Variants in ZNF730 observed in about 807,000 individuals in gnomAD.
The protein encoded by ZNF730 is zinc finger protein 730, also known as putative zinc finger protein 730.
In ZNF730, 12 loss-of-function variants were observed where a neutral mutation model predicts 12.6. The observed-to-expected ratio is 0.95, with a 90% confidence interval of 0.61 to 1.54. ZNF730 has a LOEUF of 1.54. Ranked by LOEUF, ZNF730 falls within the 40% of genes most tolerant of loss-of-function variation. ZNF730 has a pLI of 0.00. For missense variants in ZNF730, 643 were observed against 583.5 expected, an observed-to-expected ratio of 1.10 and a Z score of -1.05; for synonymous variants, 194 against 195.8, an observed-to-expected ratio of 0.99 and a Z score of 0.08.
upstream of ZNF730, chr19:23,116,861 C>G (rs952076242): frequency 6.1e-6 from 2 of 326,950 alleles, no homozygotes; most frequent in Non-Finnish European, 1.1e-5. Flanking sequence ...AAGGCTGCAG[C>G]CTACGCTGTC....
intron 1 of ZNF730, among the ~76,000 whole-genome samples, chr19:23,077,044 A>G (rs1369817043): frequency 6.6e-6 from 1 of 152,164 alleles, no homozygotes; most frequent in Non-Finnish European, 1.5e-5. Context: ...AGGAATGTGG[A>G]TGGAGCTGTA....
At chr19:23,102,168 G>A (rs1365759901) in intron 1 of ZNF730, among the ~76,000 whole-genome samples, 3 of 152,098 alleles carry the variant, frequency 2.0e-5, no homozygotes, top group African/African-American at 7.2e-5. Context: ...CTTATCACTA[G>A]GCCCAGGTAC....
chr19:23,109,592 G>C (rs1970437798), intron 1 of ZNF730, among the ~76,000 whole-genome samples: 1 of 151,888 alleles, frequency 6.6e-6, no homozygotes, highest in Admixed American at 6.6e-5. Context: ...AGTAGAGATG[G>C]GGTTTCACCA....
upstream of ZNF730, chr19:23,116,938 C>T: frequency 9.7e-6 from 1 of 102,964 alleles, no homozygotes. Context: ...GGGCCTTAAA[C>T]GTTATCCAAT....
At chr19:23,131,982 G>A (rs1441001433) in intron 1 of ZNF730, among the ~76,000 whole-genome samples, 1 of 150,306 alleles carries the variant, frequency 6.7e-6, no homozygotes, top group African/African-American at 2.5e-5. Context: ...GTTCTGTTTG[G>A]GTTGCATAGG....
intron 3 of ZNF730, among the ~76,000 whole-genome samples, chr19:23,142,389 A>C (rs1206633373): frequency 6.6e-6 from 1 of 152,094 alleles, no homozygotes; most frequent in African/African-American, 2.4e-5. Flanking sequence ...TATTTATTGA[A>C]AGTATGTCTC....
intron 2 of ZNF730, among the ~76,000 whole-genome samples, chr19:23,135,322 C>A (rs1383746525): frequency 7.0e-6 from 1 of 143,430 alleles, no homozygotes; most frequent in Admixed American, 7.1e-5. Flanking sequence ...CTGAACTTTC[C>A]ACTTTCCTGA....
At chr19:23,112,894 A>G (rs1224259219), upstream of ZNF730, among the ~76,000 whole-genome samples, 5 of 152,238 alleles carry the variant, frequency 3.3e-5, no homozygotes, top group East Asian at 7.7e-4. Flanking sequence ...CCAGGGTGCC[A>G]TTACTTTTCT....
chr19:23,129,423 CCAATGCGGGA>C (rs1970714711), intron 1 of ZNF730, among the ~76,000 whole-genome samples: 1 of 152,068 alleles, frequency 6.6e-6, no homozygotes, highest in Non-Finnish European at 1.5e-5. Context: ...TCAGCATGAC[CCAATGCGGGA>C]CATGGAGTCA....
chr19:23,106,813 T>C (rs1433736398), intron 1 of ZNF730, among the ~76,000 whole-genome samples: 1 of 149,834 alleles, frequency 6.7e-6, no homozygotes, highest in Non-Finnish European at 1.5e-5. Context: ...AAAAAAAGGT[T>C]GGAATGAAAG....
chr19:23,134,494 C>T (rs1303942344), intron 2 of ZNF730, among the ~76,000 whole-genome samples: 2 of 147,300 alleles, frequency 1.4e-5, no homozygotes, highest in African/African-American at 2.5e-5. Context: ...GCCCCCCGCC[C>T]GGCCGGCCGC....
chr19:23,089,201 A>G (rs1970116254), intron 1 of ZNF730, among the ~76,000 whole-genome samples: 1 of 150,896 alleles, frequency 6.6e-6, no homozygotes, highest in African/African-American at 2.4e-5. Flanking sequence ...TAGTTCTGTT[A>G]TATGATGCAT....
intron 1 of ZNF730, among the ~76,000 whole-genome samples, chr19:23,119,222 A>T (rs563529643): frequency 6.6e-6 from 1 of 152,318 alleles, no homozygotes; most frequent in Admixed American, 6.5e-5. Flanking sequence ...TTCAATGCCA[A>T]GTTTGTTGAG....
At chr19:23,113,987 A>G (rs1970484582), upstream of ZNF730, among the ~76,000 whole-genome samples, 11 of 151,428 alleles carry the variant, frequency 7.3e-5, no homozygotes, top group Admixed American at 6.6e-4. Flanking sequence ...CTGAAACCTA[A>G]CTGAATGTGT....
chr19:23,084,992 C>G (rs1417529517), intron 1 of ZNF730, among the ~76,000 whole-genome samples: 1 of 152,130 alleles, frequency 6.6e-6, no homozygotes, highest in Non-Finnish European at 1.5e-5. Flanking sequence ...AATGAAATTA[C>G]TGGTCAAATG....
At chr19:23,117,892 T>A (rs1482271163) in intron 1 of ZNF730, among the ~76,000 whole-genome samples, 7 of 152,286 alleles carry the variant, frequency 4.6e-5, no homozygotes, top group Admixed American at 2.6e-4. Context: ...CATTTTTTTT[T>A]AAAGTAGGAA....
chr19:23,092,435 A>G (rs925485236), intron 1 of ZNF730, among the ~76,000 whole-genome samples: 1 of 151,002 alleles, frequency 6.6e-6, no homozygotes, highest in Non-Finnish European at 1.5e-5. Flanking sequence ...TCTCTCTTAA[A>G]AAAATTAGCT....
At chr19:23,107,475 A>AAAAAAAAAAAAAAC (rs752480467) in intron 1 of ZNF730, among the ~76,000 whole-genome samples, 5 of 118,930 alleles carry the variant, frequency 4.2e-5, no homozygotes, top group Non-Finnish European at 9.2e-5. Flanking sequence ...AAAAAAAAAA[A>AAAAAAAAAAAAAAC]CCACCACAGC....
At chr19:23,103,971 T>G in intron 1 of ZNF730, among the ~76,000 whole-genome samples, 1 of 152,080 alleles carries the variant, frequency 6.6e-6, no homozygotes, top group East Asian at 1.9e-4. Flanking sequence ...CAAATACAGG[T>G]TTCTGATAGC....
Sources: gnomAD v4.1 joint callset for allele counts (sites outside exome capture counted in the v4.1 genomes callset) on GRCh38, gnomAD v4.1.1 for gene constraint, MANE v1.5 for transcripts, NCBI Gene and HGNC (gene_info 2026-07-23, HGNC 2026-07-21) for gene names.